The following KCND3 variants were observed in gnomAD, a reference collection of about 807,000 sequenced individuals.
KCND3 encodes A-type voltage-gated potassium channel KCND3.
In KCND3, 9 loss-of-function variants were observed where a neutral mutation model predicts 51.1. The ratio of observed to expected loss-of-function variants is 0.18; its 90% CI spans 0.11 to 0.31. KCND3 has a LOEUF of 0.31. KCND3 is among the 10% of genes least tolerant of loss of function. KCND3 has a pLI of 1.00. For missense variants in KCND3, 526 were observed against 903.8 expected (o/e 0.58, Z 5.36); for synonymous variants, 349 against 368.0 (o/e 0.95, Z 0.59).
chr1:111,908,949 G>GT (rs1260933959), intron 2 of KCND3, among the ~76,000 whole-genome samples: 4 of 109,858 alleles, frequency 3.6e-5, no homozygotes, highest in Admixed American at 1.9e-4. Context: ...CTGGTCTCAT[G>GT]CCTTTTTTTT....
intron 2 of KCND3, among the ~76,000 whole-genome samples, chr1:111,939,303 A>G (rs1161351596): frequency 1.3e-5 from 2 of 152,134 alleles, no homozygotes; most frequent in Admixed American, 1.3e-4. Context: ...ATAGGTATAC[A>G]CATGTCATGG....
chr1:111,923,618 TC>T (rs1222363156), intron 2 of KCND3, among the ~76,000 whole-genome samples: 1 of 152,182 alleles, frequency 6.6e-6, no homozygotes, highest in African/African-American at 2.4e-5. Flanking sequence ...GATTTTAATC[TC>T]CGGTGTTATA....
At chr1:111,892,934 T>C (rs184218209) in intron 2 of KCND3, among the ~76,000 whole-genome samples, 4 of 152,316 alleles carry the variant, frequency 2.6e-5, no homozygotes, top group Non-Finnish European at 5.9e-5. Context: ...CTCTAAGATA[T>C]AAGAAGACTT....
At chr1:111,977,095 A>T (rs185988611) in intron 2 of KCND3, among the ~76,000 whole-genome samples, 385 of 152,372 alleles carry the variant, frequency 2.5e-3, no homozygotes, top group Admixed American at 7.3e-3. Context: ...CTAAGATCCA[A>T]GTCCCCTAGG....
chr1:111,946,545 G>C (rs1425668640), intron 2 of KCND3, among the ~76,000 whole-genome samples: 1 of 152,140 alleles, frequency 6.6e-6, no homozygotes, highest in Non-Finnish European at 1.5e-5. Context: ...CCAGCCCCAG[G>C]GCCTGCCAGG....
At chr1:111,922,865 A>C (rs866863376) in intron 2 of KCND3, among the ~76,000 whole-genome samples, 2 of 152,248 alleles carry the variant, frequency 1.3e-5, no homozygotes, top group Non-Finnish European at 2.9e-5. Context: ...GTAAGAATTC[A>C]ATGAGATGGC....
chr1:111,941,737 C>T (rs1672530161), intron 2 of KCND3, among the ~76,000 whole-genome samples: 1 of 152,198 alleles, frequency 6.6e-6, no homozygotes, highest in African/African-American at 2.4e-5. Context: ...AACCTCTAGG[C>T]ATACTGTCTC....
At chr1:111,802,525 T>C (rs1665363911) in intron 2 of KCND3, among the ~76,000 whole-genome samples, 1 of 152,212 alleles carries the variant, frequency 6.6e-6, no homozygotes. Flanking sequence ...TTTAGATCCT[T>C]CAGCTGTAAA....
chr1:111,872,942 C>T (rs927093437), intron 2 of KCND3, among the ~76,000 whole-genome samples: 4 of 152,238 alleles, frequency 2.6e-5, no homozygotes, highest in African/African-American at 9.6e-5. Flanking sequence ...ATTGCTCTCA[C>T]TCTGATGCTG....
intron 2 of KCND3, among the ~76,000 whole-genome samples, chr1:111,955,842 G>GA (rs1289974912): frequency 1.3e-5 from 2 of 152,176 alleles, no homozygotes; most frequent in African/African-American, 4.8e-5. Context: ...TAAGCATGAG[G>GA]ACGCCATTTC....
intron 2 of KCND3, among the ~76,000 whole-genome samples, chr1:111,977,880 C>T (rs184098993): frequency 2.0e-5 from 3 of 152,270 alleles, no homozygotes; most frequent in East Asian, 3.9e-4. Flanking sequence ...TCTATGTTAT[C>T]CCTTCCCTCT....
At position 111,861,898 on chromosome 1, in the gene KCND3, C is replaced by T. The variant is rs565825727; in HGVS notation, c.1107-74792G>A. ...GCACTGCTCAGCCACTTTATTTGGG[C>T]TCCTGTGGTCTGAGTTATGCGAGGG... On this transcript the variant is annotated intron_variant, in intron 2 of 7. Coordinates refer to ENST00000302127, the MANE Select transcript of KCND3 (RefSeq NM_001378969.1). 2.0e-4 allele frequency among the ~76,000 whole-genome samples: 31 copies of T among 152,336 alleles called. 1 individual carries two copies. In the South Asian group the frequency reaches 6.2e-3, roughly 31 times the overall value.
In KCND3 at chr1:111,780,466, C is replaced by A; in HGVS notation, c.1372-152G>T. 1 of 897,048 alleles carries A rather than the reference C, an allele frequency of 1.1e-6. No homozygotes were observed. The highest frequency in any genetic ancestry group is 1.8e-6 in the Non-Finnish European group (1 of 559,152). 55.6% of individuals were successfully genotyped at this position (897,048 alleles called of 1,614,324 possible). A position where few individuals can be genotyped will look rare whatever the true frequency, so the allele number is the denominator to read the frequency against. ...CAGGGTCAGCATTGAATATGCTAAC[C>A]TTTGGGCTCAGGGGCCCTTGGTCTA... On this transcript the variant is annotated intron_variant, in intron 4 of 7. Coordinates refer to ENST00000302127, the MANE Select transcript of KCND3 (RefSeq NM_001378969.1). The surrounding 1 kb of genome is among the most constrained non-coding windows in gnomAD (Gnocchi z 4.2).
chr1:111,935,178 A>G (rs557498508), intron 2 of KCND3, among the ~76,000 whole-genome samples: 3 of 152,370 alleles, frequency 2.0e-5, no homozygotes, highest in Non-Finnish European at 4.4e-5. Context: ...AATATCATTC[A>G]TAGAGTCACT....
intron 2 of KCND3, among the ~76,000 whole-genome samples, chr1:111,929,379 A>G (rs1237660331): frequency 3.3e-5 from 5 of 152,202 alleles, no homozygotes; most frequent in African/African-American, 1.2e-4. Flanking sequence ...AGGTACAATC[A>G]GGGAAGTCAT....
intron 2 of KCND3, among the ~76,000 whole-genome samples, chr1:111,929,458 C>T (rs779660106): frequency 7.9e-5 from 12 of 152,212 alleles, no homozygotes; most frequent in South Asian, 2.1e-4. Flanking sequence ...GTGGCACTAT[C>T]GAGTGGCACT....
chr1:111,969,430 G>T (rs1175502569), intron 2 of KCND3, among the ~76,000 whole-genome samples: 1 of 152,138 alleles, frequency 6.6e-6, no homozygotes, highest in African/African-American at 2.4e-5. Flanking sequence ...TGCCTCCAGT[G>T]GCAATCCCAG....
Position 111,960,135 on chromosome 1 carries a change from C to A in KCND3, c.1106+21486G>T, listed in dbSNP as rs144840400. On this transcript the variant is annotated intron_variant, in intron 2 of 7. Transcript: ENST00000302127. ...TCAGAACTGTGAGTCAATTAAACCTCTTTTCTTGTCTTGAGTGTGTCTTTA... is the reference window on the plus strand; with the variant it reads ...TCAGAACTGTGAGTCAATTAAACCTATTTTCTTGTCTTGAGTGTGTCTTTA... Among the ~76,000 whole-genome samples, 5 of 152,274 alleles carry A rather than the reference C, an allele frequency of 3.3e-5. No homozygotes were observed. In the East Asian group the frequency reaches 9.6e-4, roughly 29 times the overall value.
chr1:111,903,793 T>A (rs774130441), intron 2 of KCND3, among the ~76,000 whole-genome samples: 2 of 152,328 alleles, frequency 1.3e-5, no homozygotes, highest in African/African-American at 2.4e-5. Context: ...GTTCATAGGA[T>A]GCTGATTTGC....
Sources: gnomAD v4.1 joint callset for allele counts (sites outside exome capture counted in the v4.1 genomes callset) on GRCh38, gnomAD v4.1.1 for gene constraint, Gnocchi (gnomAD v3.1) non-coding constraint, MANE v1.5 for transcripts, NCBI Gene and HGNC (gene_info 2026-07-23, HGNC 2026-07-21) for gene names.